SREK1IP1: variants seen among roughly 807,000 people sequenced by gnomAD.
SREK1IP1 encodes protein SREK1IP1.
Under a neutral mutation model 22.8 loss-of-function variants are expected in SREK1IP1, and 12 were observed. The observed-to-expected ratio is 0.53, with a 90% CI of 0.34 to 0.85. The LOEUF (loss-of-function observed/expected upper bound fraction) is 0.85. SREK1IP1 is among the 40% of genes least tolerant of loss of function. SREK1IP1 has a pLI of 0.02. For synonymous variants in SREK1IP1, 53 were observed against 52.7 expected, an observed-to-expected ratio of 1.01 and a Z score of -0.02; for missense variants, 147 against 171.8, an observed-to-expected ratio of 0.86 and a Z score of 0.81.
At chr5:64,753,500 T>C (rs1213469582) in intron 2 of SREK1IP1, among the ~76,000 whole-genome samples, 2 of 152,232 alleles carry the variant, frequency 1.3e-5, no homozygotes, top group East Asian at 1.9e-4. Context: ...TTAGCTTTGC[T>C]TGGAAGTATG....
At chr5:64,750,836 TC>T (rs1285280217) in intron 2 of SREK1IP1, among the ~76,000 whole-genome samples, 1 of 152,170 alleles carries the variant, frequency 6.6e-6, no homozygotes, top group Non-Finnish European at 1.5e-5. Flanking sequence ...TCTTTCCTTA[TC>T]CTCCAGTATT....
At chr5:64,751,881 AT>A (rs1742747671) in intron 2 of SREK1IP1, among the ~76,000 whole-genome samples, 1 of 152,172 alleles carries the variant, frequency 6.6e-6, no homozygotes, top group Admixed American at 6.5e-5. Context: ...AAAGTGACAA[AT>A]TTATATTTAT....
chr5:64,745,559 A>G (rs1742619414), intron 2 of SREK1IP1, among the ~76,000 whole-genome samples: 2 of 152,060 alleles, frequency 1.3e-5, no homozygotes, highest in Admixed American at 1.3e-4. Flanking sequence ...ACTGCACTCC[A>G]GCCTGGGCAG....
intron 3 of SREK1IP1, among the ~76,000 whole-genome samples, 161 bp from the exon 4 acceptor site, chr5:64,728,340 A>G (rs1036369894): frequency 4.6e-5 from 7 of 152,274 alleles, no homozygotes; most frequent in Admixed American, 3.3e-4. Context: ...TATCCATTAA[A>G]AAACTCATAA....
chr5:64,737,496 G>C (rs1436252263), intron 3 of SREK1IP1, among the ~76,000 whole-genome samples: 2 of 127,126 alleles, frequency 1.6e-5, no homozygotes, highest in East Asian at 5.1e-4. Context: ...AAGTGAAGTG[G>C]TTCATACTGT....
chr5:64,759,065 G>A (rs935243926), intron 1 of SREK1IP1, among the ~76,000 whole-genome samples: 13 of 152,324 alleles, frequency 8.5e-5, no homozygotes, highest in African/African-American at 2.9e-4. Flanking sequence ...TCATTCTGCT[G>A]TCAGGATCCA....
At chr5:64,741,711 T>A (rs548971744) in intron 2 of SREK1IP1, among the ~76,000 whole-genome samples, 1 of 152,284 alleles carries the variant, frequency 6.6e-6, no homozygotes, top group Admixed American at 6.5e-5. Flanking sequence ...AAACATTTAA[T>A]TCTTGCATCA....
At position 64,719,154 on chromosome 5, in the gene SREK1IP1, A is replaced by G. The variant is rs1047289814; in HGVS notation, c.*5230T>C. 1.3e-5 allele frequency: 2 copies of G among 152,214 alleles called. No individual in the cohort carries two copies. Among genetic ancestry groups the G allele is most frequent in the Admixed American group, 6.5e-5 (1 of 15,284 alleles). 9.4% of individuals were successfully genotyped at this position (152,214 alleles called of 1,614,324 possible). A position where few individuals can be genotyped will look rare whatever the true frequency, so the allele number is the denominator to read the frequency against. On this transcript the variant is annotated 3_prime_UTR_variant, in exon 5 of 5. Transcript: ENST00000513458. The stretch of plus-strand genomic sequence containing the variant: ...CACTAATATGGTAGCCACCAGTCAC[A>G]TGTGGCTACTGAACACTTAAGATGT...
At chr5:64,745,150 G>T (rs925202421) in intron 2 of SREK1IP1, among the ~76,000 whole-genome samples, 1 of 152,108 alleles carries the variant, frequency 6.6e-6, no homozygotes, top group African/African-American at 2.4e-5. Context: ...TAGCACCTGG[G>T]GATTTCCCTT....
At chr5:64,748,367 T>G (rs1349246749) in intron 2 of SREK1IP1, among the ~76,000 whole-genome samples, 1 of 152,168 alleles carries the variant, frequency 6.6e-6, no homozygotes, top group Non-Finnish European at 1.5e-5. Flanking sequence ...TGGTTACAGA[T>G]TTGGGGCAAT....
chr5:64,766,490 CATT>C (rs771178770), intron 1 of SREK1IP1, among the ~76,000 whole-genome samples: 75 of 152,366 alleles, frequency 4.9e-4, no homozygotes, highest in Admixed American at 8.5e-4. Context: ...AGCCACACAT[CATT>C]ATAACTCACC....
At chr5:64,743,992 G>A (rs984385421) in intron 2 of SREK1IP1, among the ~76,000 whole-genome samples, 3 of 152,090 alleles carry the variant, frequency 2.0e-5, no homozygotes, top group African/African-American at 7.2e-5. Context: ...AGCAGTTTCT[G>A]AACAGATAAA....
At position 64,758,546 on chromosome 5, in the gene SREK1IP1, G is replaced by A. The variant is rs1742889941; in HGVS notation, c.14-4184C>T. 4.6e-5 allele frequency among the ~76,000 whole-genome samples: 7 copies of A among 152,170 alleles called. No homozygotes were observed. The South Asian group carries it at 1.4e-3, about 32-fold the overall frequency. ...AGGGTCTTTCATTTTGAAAACAACT[G>A]CATGTTGAGAAAAGCTCAGAGAATT... On this transcript the variant is annotated intron_variant, in intron 1 of 4. Transcript: ENST00000513458.
intron 1 of SREK1IP1, among the ~76,000 whole-genome samples, chr5:64,757,477 C>T (rs1434040901): frequency 6.6e-6 from 1 of 152,138 alleles, no homozygotes; most frequent in East Asian, 1.9e-4. Context: ...GTAATTGATA[C>T]ATTGGGGAAA....
intron 2 of SREK1IP1, among the ~76,000 whole-genome samples, chr5:64,749,212 G>A (rs969515221): frequency 2.0e-5 from 3 of 151,694 alleles, no homozygotes; most frequent in Non-Finnish European, 2.9e-5. Flanking sequence ...GTACCCAAAT[G>A]TCTACTTCTG....
At chr5:64,735,549 G>C (rs745567777) in intron 3 of SREK1IP1, among the ~76,000 whole-genome samples, 36 of 151,990 alleles carry the variant, frequency 2.4e-4, no homozygotes, top group Admixed American at 1.4e-3. Flanking sequence ...AGAGATGCGG[G>C]GGTACTCTTC....
chr5:64,767,897 G>A (rs1743077536), intron 1 of SREK1IP1, among the ~76,000 whole-genome samples: 1 of 152,174 alleles, frequency 6.6e-6, no homozygotes, highest in Non-Finnish European at 1.5e-5. Context: ...TAATTATTCT[G>A]CAGAGTTCAC....
chr5:64,761,924 T>C (rs1742958926), intron 1 of SREK1IP1, among the ~76,000 whole-genome samples: 1 of 151,816 alleles, frequency 6.6e-6, no homozygotes, highest in Admixed American at 6.6e-5. Context: ...AAACAGAAAA[T>C]ATTGAGAAAA....
At chr5:64,765,785 T>G (rs1438939283) in intron 1 of SREK1IP1, among the ~76,000 whole-genome samples, 1 of 152,224 alleles carries the variant, frequency 6.6e-6, no homozygotes, top group East Asian at 1.9e-4. Context: ...AAAAATCACT[T>G]TTGTCCCCTT....
Sources: gnomAD v4.1 joint callset for allele counts (sites outside exome capture counted in the v4.1 genomes callset) on GRCh38, gnomAD v4.1.1 for gene constraint, MANE v1.5 for transcripts, NCBI Gene and HGNC (gene_info 2026-07-23, HGNC 2026-07-21) for gene names.